Variants in KLHL36 observed in about 807,000 individuals in gnomAD.
KLHL36 encodes the protein kelch-like protein 36.
Under a neutral mutation model 53.3 loss-of-function variants are expected in KLHL36, and 35 were observed. That is an observed-to-expected ratio of 0.66 (90% CI 0.50 to 0.87). The LOEUF is 0.87. Among genes scored for constraint, KLHL36 ranks in the 40% least tolerant of loss-of-function variants. KLHL36 has a pLI of 0.00. For synonymous variants in KLHL36, 472 were observed against 398.9 expected, an observed-to-expected ratio of 1.18 and a Z score of -2.18; for missense variants, 864 against 897.6, an observed-to-expected ratio of 0.96 and a Z score of 0.48.
At chr16:84,658,120 G>GAGAGC in intron 3 of KLHL36, 176 bp downstream of exon 3, 1 of 544,404 alleles carries the variant, frequency 1.8e-6, no homozygotes, top group Non-Finnish European at 3.1e-6. Flanking sequence ...CAGGGAGAGG[G>GAGAGC]AGAGCCGACC....
intron 1 of KLHL36, chr16:84,649,270 C>T (rs1260534489): frequency 2.0e-5 from 3 of 152,432 alleles, no homozygotes; most frequent in Non-Finnish European, 2.9e-5. Context: ...CACCCCCACG[C>T]ACTTGCAGGA....
rs1964979126 is a variant in KLHL36, at chr16:84,666,459, C to T, written c.*4326C>T. On this transcript the variant is annotated 3_prime_UTR_variant, in exon 5 of 5. Coordinates refer to ENST00000564996, the MANE Select transcript of KLHL36 (RefSeq NM_024731.4). Reference sequence around the variant, plus strand: ...CATTTGCCAAGAGGAAACCTTAACCCCCCTGAGAGGGTCTGCGTTTCTTCT... The same window carrying T: ...CATTTGCCAAGAGGAAACCTTAACCTCCCTGAGAGGGTCTGCGTTTCTTCT... The T allele has an allele frequency of 6.6e-6, 1 of 152,154 alleles. No homozygotes were observed. The highest frequency in any genetic ancestry group is 2.4e-5 in the African/African-American group (1 of 41,436). The allele number at this position is 152,154 out of a possible 1,614,324, so 9.4% of individuals were successfully genotyped here. A position where few individuals can be genotyped will look rare whatever the true frequency, so the allele number is the denominator to read the frequency against.
intron 2 of KLHL36, among the ~76,000 whole-genome samples, chr16:84,653,470 T>C (rs897904123): frequency 1.3e-5 from 2 of 152,064 alleles, no homozygotes; most frequent in African/African-American, 4.8e-5. Context: ...CCCTTTATAA[T>C]TGGGAAATAG....
intron 2 of KLHL36, among the ~76,000 whole-genome samples, chr16:84,655,376 A>G (rs995903223): frequency 6.6e-6 from 1 of 152,188 alleles, no homozygotes; most frequent in Non-Finnish European, 1.5e-5. Flanking sequence ...AACTTTTAAG[A>G]ATTCAGAGCC....
rs1027294233 is a variant in KLHL36, at chr16:84,665,558, G to A, written c.*3425G>A. The A allele has an allele frequency of 6.6e-6, 1 of 152,136 alleles. No individual in the cohort carries two copies. Among genetic ancestry groups the A allele is most frequent in the Non-Finnish European group, 1.5e-5 (1 of 68,042 alleles). 9.4% of individuals were successfully genotyped at this position (152,136 alleles called of 1,614,324 possible). A position where few individuals can be genotyped will look rare whatever the true frequency, so the allele number is the denominator to read the frequency against. On this transcript the variant is annotated 3_prime_UTR_variant, in exon 5 of 5. Transcript: ENST00000564996. ...TTTATTGTTCTGCCATTTTATTGAGGCTATCAAGTGGGACTTCAGACCTGG... is the reference window on the plus strand; with the variant it reads ...TTTATTGTTCTGCCATTTTATTGAGACTATCAAGTGGGACTTCAGACCTGG...
At position 84,657,473 on chromosome 16, in the gene KLHL36, C is replaced by G. The variant is rs146849400; in HGVS notation, c.666C>G (p.Pro222=). 34 of 1,606,994 alleles carry G rather than the reference C, an allele frequency of 2.1e-5. No individual in the cohort carries two copies. In the East Asian group the frequency reaches 2.5e-4, roughly 12 times the overall value. ...QAALQWLTQQ[P]EREAHARQVL... ...CCCTGCAGTGGCTGACGCAGCAGCC[C>G]GAGCGCGAGGCCCACGCCCGCCAGG... Residue 222 remains proline (P), a synonymous_variant, in exon 3 of 5, where the codon CCC becomes CCG. Transcript: ENST00000564996.
intron 2 of KLHL36, among the ~76,000 whole-genome samples, chr16:84,656,138 TC>T: frequency 6.6e-6 from 1 of 152,172 alleles, no homozygotes; most frequent in Non-Finnish European, 1.5e-5. Flanking sequence ...CAAGTGATTC[TC>T]CCGTCTCAGT....
rs1471864778 is a variant in KLHL36 at position 84,664,452 on chromosome 16, G to T, written c.*2319G>T. On this transcript the variant is annotated 3_prime_UTR_variant, in exon 5 of 5. Coordinates refer to ENST00000564996, the MANE Select transcript of KLHL36 (RefSeq NM_024731.4). ...GCTTCTGGGACTTGTCCCTGGAAAT[G>T]TGTGAGCTTCTGGCCTCTATTCTGA... The T allele has an allele frequency of 6.6e-6, 1 of 152,228 alleles. No individual in the cohort carries two copies. Among genetic ancestry groups the T allele is most frequent in the African/African-American group, 2.4e-5 (1 of 41,434 alleles). The allele number at this position is 152,228 out of a possible 1,614,324, so 9.4% of individuals were successfully genotyped here. A position where few individuals can be genotyped will look rare whatever the true frequency, so the allele number is the denominator to read the frequency against.
At position 84,657,786 on chromosome 16, in the gene KLHL36, A is replaced by G. The variant is rs747740776; in HGVS notation, c.979A>G (p.Lys327Glu). 31 of 1,608,296 alleles carry G rather than the reference A, an allele frequency of 1.9e-5. No individual in the cohort carries two copies. Among genetic ancestry groups the G allele is most frequent in the Non-Finnish European group, 2.5e-5 (30 of 1,176,650 alleles). Residue 327 changes from lysine (K) to glutamate (E), a missense_variant, in exon 3 of 5, where the codon AAA becomes GAA. Physicochemically the swap from Lys to Glu is moderately conservative, Grantham distance 56. Coordinates refer to ENST00000564996, the MANE Select transcript of KLHL36 (RefSeq NM_024731.4). ...YLDAKSEQWV[K>E]ETPLPARRSH... Reference sequence around the variant, plus strand: ...GGACGCCAAGAGCGAGCAGTGGGTCAAAGAGACGCCGCTGCCCGCCCGGCG... The same window carrying G: ...GGACGCCAAGAGCGAGCAGTGGGTCGAAGAGACGCCGCTGCCCGCCCGGCG...
In KLHL36 at chr16:84,657,146, C is replaced by T. The variant is rs182735141; in HGVS notation, c.339C>T (p.Gly113=). The T allele has an allele frequency of 3.9e-5, 63 of 1,614,140 alleles. No homozygotes were observed. The highest frequency in any genetic ancestry group is 5.2e-5 in the Non-Finnish European group (61 of 1,180,040). Residue 113 remains glycine (G), a synonymous_variant, in exon 3 of 5, where the codon GGC becomes GGT. Transcript: ENST00000564996. ...FLYGGELVLD[G]GNIDYVLETA... is the part of the protein sequence containing the mutation. ...ACGGCGGGGAGCTGGTGCTGGATGG[C>T]GGCAACATTGACTACGTCCTGGAGA...
chr16:84,658,012 C>G, intron 3 of KLHL36, 68 bp downstream of exon 3: 1 of 1,170,816 alleles, frequency 8.5e-7, no homozygotes, highest in Middle Eastern at 2.2e-4. Context: ...CTAGCCTTGA[C>G]TTTCCTTACC....
chr16:84,661,010 A>G lies in KLHL36; in HGVS notation c.1296-568A>G, dbSNP rs183017148. ...AGTTGTGTGGGTTTTGAGGAACACA[A>G]AGCAACATGAATCCACCATTACAGC... On this transcript the variant is annotated intron_variant, in intron 4 of 4. Transcript: ENST00000564996. The surrounding 1 kb of genome is among the most constrained non-coding windows in gnomAD (Gnocchi z 7.9). Among the ~76,000 whole-genome samples, 12 of 152,188 alleles carry G rather than the reference A, an allele frequency of 7.9e-5. No homozygotes were observed. The highest frequency in any genetic ancestry group is 1.5e-4 in the Non-Finnish European group (10 of 67,992).
chr16:84,649,518 C>G (rs868457441), intron 1 of KLHL36, among the ~76,000 whole-genome samples: 1 of 152,128 alleles, frequency 6.6e-6, no homozygotes, highest in Admixed American at 6.5e-5. Context: ...GGAATGAAGT[C>G]GAGTCCGCGG....
At position 84,663,832 on chromosome 16, in the gene KLHL36, G is replaced by C. The variant is rs574742932; in HGVS notation, c.*1699G>C. ...GGTCTGTTTATGTAGCCATCCAGAA[G>C]AGATGAGAGCATTTTGGGGACTGAA... On this transcript the variant is annotated 3_prime_UTR_variant, in exon 5 of 5. Transcript: ENST00000564996. The C allele has an allele frequency of 1.3e-5, 2 of 152,356 alleles. No homozygotes were observed. Among genetic ancestry groups the C allele is most frequent in the African/African-American group, 2.4e-5 (1 of 41,586 alleles). 9.4% of individuals were successfully genotyped at this position (152,356 alleles called of 1,614,324 possible).
At chr16:84,655,643 G>A (rs1228402774) in intron 2 of KLHL36, among the ~76,000 whole-genome samples, 1 of 151,118 alleles carries the variant, frequency 6.6e-6, no homozygotes, top group Non-Finnish European at 1.5e-5. Flanking sequence ...GGTCAAGGGT[G>A]CAGTGAGCCG....
rs774622889 is a variant in KLHL36 at position 84,662,138 on chromosome 16, AGCTGC to A, written c.*8_*12del. On this transcript the variant is annotated 3_prime_UTR_variant, in exon 5 of 5. Transcript: ENST00000564996. ...CACCAGGACCGGGGCCAGTGACCCT[AGCTGC>A]GCCTCTTGGGACCATCCTCACCGTC... 3.3e-6 allele frequency: 5 copies of A among 1,517,878 alleles called. No individual in the cohort carries two copies. In the South Asian group the frequency reaches 6.1e-5, roughly 19 times the overall value. 94.0% of individuals were successfully genotyped at this position (1,517,878 alleles called of 1,614,324 possible).
rs1361485017 is a variant in KLHL36, at chr16:84,665,901, C to G, written c.*3768C>G. 2 of 152,298 alleles carry G rather than the reference C, an allele frequency of 1.3e-5. No homozygotes were observed. The highest frequency in any genetic ancestry group is 3.8e-4 in the East Asian group (2 of 5,196). The allele number at this position is 152,298 out of a possible 1,614,324, so 9.4% of individuals were successfully genotyped here. ...GAGTCACTGACCTTCATCCTTCACC[C>G]TGGTCCTCCATGGTGCAGCAGCATC... On this transcript the variant is annotated 3_prime_UTR_variant, in exon 5 of 5. Coordinates refer to ENST00000564996, the MANE Select transcript of KLHL36 (RefSeq NM_024731.4).
rs370173265 is a variant in KLHL36, at chr16:84,657,864, A to G, written c.1057A>G (p.Ser353Gly). The G allele has an allele frequency of 1.3e-6, 2 of 1,591,396 alleles. No homozygotes were observed. The highest frequency in any genetic ancestry group is 2.3e-5 in the East Asian group (1 of 44,438). The stretch of plus-strand genomic sequence containing the variant: ...GGGCTTCATCTTCATCGCCGGCGGC[A>G]GCTTCTCACGGGACAACGGAGGGGA... ...LGGFIFIAGG[S>G]FSRDNGGDAA... is the part of the protein sequence containing the mutation. Residue 353 changes from serine (S) to glycine (G), a missense_variant, in exon 3 of 5, where the codon AGC becomes GGC. Coordinates refer to ENST00000564996, the MANE Select transcript of KLHL36 (RefSeq NM_024731.4).
Position 84,657,838 on chromosome 16 carries a change from G to A in KLHL36, c.1031G>A (p.Gly344Glu), listed in dbSNP as rs552730604. ...AGCCACCACTGTGTCGCGGTGCTGG[G>A]GGGCTTCATCTTCATCGCCGGCGGC... ...RRSHHCVAVL[G>E]GFIFIAGGSF... The change falls in exon 3 of 5, where the codon GGG (glycine) becomes GAG (glutamate). Residue 344 changes from glycine (G) to glutamate (E), a missense_variant. Transcript: ENST00000564996. 2 of 1,600,544 alleles carry A rather than the reference G, an allele frequency of 1.2e-6. No homozygotes were observed. Among genetic ancestry groups the A allele is most frequent in the South Asian group, 2.2e-5 (2 of 90,464 alleles).
Sources: gnomAD v4.1 joint callset for allele counts (sites outside exome capture counted in the v4.1 genomes callset) on GRCh38, gnomAD v4.1.1 for gene constraint, Gnocchi (gnomAD v3.1) non-coding constraint, MANE v1.5 for transcripts, NCBI Gene and HGNC (gene_info 2026-07-23, HGNC 2026-07-21) for gene names.